Variants in HP1BP3 observed in about 807,000 individuals in gnomAD.
The protein encoded by HP1BP3 is heterochromatin protein 1-binding protein 3.
HP1BP3 carries 12 observed loss-of-function variants against 62.5 expected under a neutral mutation model. The observed-to-expected ratio is 0.19, with a 90% CI of 0.12 to 0.31. The LOEUF (loss-of-function observed/expected upper bound fraction) is 0.31, where lower values mean the gene tolerates loss of function less well. Ranked by LOEUF, HP1BP3 falls within the 10% of genes least tolerant of loss-of-function variation. HP1BP3 has a pLI of 1.00. For missense variants in HP1BP3, 502 were observed against 651.8 expected, an observed-to-expected ratio of 0.77 and a Z score of 2.50; for synonymous variants, 260 against 237.8, an observed-to-expected ratio of 1.09 and a Z score of -0.86.
intron 6 of HP1BP3, among the ~76,000 whole-genome samples, chr1:20,768,174 C>T (rs918425432): frequency 2.6e-5 from 4 of 152,132 alleles, no homozygotes; most frequent in East Asian, 1.9e-4. Context: ...TGGCTGGGCG[C>T]GGTGGCTCAT....
chr1:20,784,189 C>T (rs1454440595), intron 1 of HP1BP3, among the ~76,000 whole-genome samples: 3 of 151,954 alleles, frequency 2.0e-5, no homozygotes, highest in African/African-American at 7.3e-5. Flanking sequence ...AGGCTGGTCA[C>T]AAACTCCTGG....
At chr1:20,764,705 A>C (rs1311445266) in intron 8 of HP1BP3, among the ~76,000 whole-genome samples, 1 of 151,136 alleles carries the variant, frequency 6.6e-6, no homozygotes, top group Non-Finnish European at 1.5e-5. Context: ...AAAAAAAAAA[A>C]AAACCACACA....
intron 3 of HP1BP3, among the ~76,000 whole-genome samples, chr1:20,777,593 G>C (rs1425369978): frequency 3.3e-5 from 5 of 152,014 alleles, no homozygotes; most frequent in Non-Finnish European, 5.9e-5. Context: ...CTAGTAGCTG[G>C]GACTACAGGT....
intron 1 of HP1BP3, among the ~76,000 whole-genome samples, chr1:20,781,888 A>G (rs1270286328): frequency 1.3e-5 from 2 of 152,232 alleles, no homozygotes; most frequent in Non-Finnish European, 2.9e-5. Context: ...AGCCTCCCAA[A>G]GTGCTGGGAT....
At chr1:20,779,694 C>T in intron 3 of HP1BP3, 118 bp downstream of exon 3, 2 of 603,392 alleles carry the variant, frequency 3.3e-6, no homozygotes, top group Non-Finnish European at 2.8e-6. Context: ...AAATGTTTCC[C>T]CAAAACACTT....
At chr1:20,753,299 T>C (rs2055893545) in intron 9 of HP1BP3, among the ~76,000 whole-genome samples, 1 of 152,154 alleles carries the variant, frequency 6.6e-6, no homozygotes, top group South Asian at 2.1e-4. Flanking sequence ...TATTCAGACT[T>C]GGTTATGAGG....
chr1:20,767,652 CT>C lies in HP1BP3; in HGVS notation c.666del (p.Gly223ValfsTer35). ...NRGVIKQVKG[K>X]GASGSFVVVQ... is the part of the protein sequence containing the mutation. ...ACCACAACAAAACTTCCAGAAGCAC[CT>C]TTTCCTTTAACCTAAAGTAAATTAA... On this transcript the variant is annotated frameshift_variant, in exon 7 of 13. Coordinates refer to ENST00000438032, the MANE Select transcript of HP1BP3 (RefSeq NM_001372052.1). LOFTEE classifies it high-confidence loss of function. 1.9e-6 allele frequency: 3 copies of C among 1,605,732 alleles called. No homozygotes were observed. The highest frequency in any genetic ancestry group is 1.1e-5 in the South Asian group (1 of 89,740).
intron 5 of HP1BP3, among the ~76,000 whole-genome samples, chr1:20,772,743 T>C (rs1356190584): frequency 6.6e-6 from 1 of 152,130 alleles, no homozygotes; most frequent in Non-Finnish European, 1.5e-5. Context: ...ACTCCTCTTA[T>C]CATCTGATCA....
chr1:20,752,692 T>A (rs1557641989), intron 9 of HP1BP3, among the ~76,000 whole-genome samples: 1 of 152,198 alleles, frequency 6.6e-6, no homozygotes, highest in Non-Finnish European at 1.5e-5. Flanking sequence ...AATGTGGTTA[T>A]TGTCTTCTTT....
intron 9 of HP1BP3, 36 bp downstream of exon 9, chr1:20,757,130 A>C (rs377591829): frequency 2.1e-5 from 30 of 1,420,402 alleles, no homozygotes; most frequent in Non-Finnish European, 2.8e-5. Context: ...AAACTTTAAG[A>C]AGCACTTCTC....
chr1:20,753,227 C>T (rs544223902), intron 9 of HP1BP3, among the ~76,000 whole-genome samples: 1 of 152,282 alleles, frequency 6.6e-6, no homozygotes, highest in African/African-American at 2.4e-5. Context: ...CAGGCATGAG[C>T]CACCGCGCCT....
intron 8 of HP1BP3, among the ~76,000 whole-genome samples, chr1:20,757,693 A>T (rs2056205821): frequency 6.6e-6 from 1 of 151,948 alleles, no homozygotes; most frequent in South Asian, 2.1e-4. Flanking sequence ...TTAACATTTG[A>T]CTTCTAACGC....
chr1:20,756,019 T>C (rs1369019301), intron 9 of HP1BP3, among the ~76,000 whole-genome samples: 1 of 152,200 alleles, frequency 6.6e-6, no homozygotes, highest in Non-Finnish European at 1.5e-5. Context: ...TGCAAATGGC[T>C]ACAAGGGATC....
chr1:20,755,020 G>A (rs1325429571), intron 9 of HP1BP3, among the ~76,000 whole-genome samples: 1 of 152,072 alleles, frequency 6.6e-6, no homozygotes, highest in Non-Finnish European at 1.5e-5. Flanking sequence ...CAGAATAGGA[G>A]AAAAAATCTG....
In HP1BP3 at chr1:20,744,709, T is replaced by A; in HGVS notation, c.*88A>T. 4 of 1,232,078 alleles carry A rather than the reference T, an allele frequency of 3.2e-6. No individual in the cohort carries two copies. Among genetic ancestry groups the A allele is most frequent in the Non-Finnish European group, 4.5e-6 (4 of 886,708 alleles). The allele number at this position is 1,232,078 out of a possible 1,614,324, so 76.3% of individuals were successfully genotyped here. On this transcript the variant is annotated 3_prime_UTR_variant, in exon 13 of 13. Transcript: ENST00000438032. Reference sequence around the variant, plus strand: ...CATAGGGGAGGAAAATAATGTAATTTGAAAAGCATCAAAACTAAACAAATG... The same window carrying A: ...CATAGGGGAGGAAAATAATGTAATTAGAAAAGCATCAAAACTAAACAAATG...
chr1:20,749,440 C>T (rs1159055964), intron 10 of HP1BP3, among the ~76,000 whole-genome samples: 3 of 151,282 alleles, frequency 2.0e-5, no homozygotes, highest in Non-Finnish European at 4.4e-5. Context: ...CTCACTGCAA[C>T]CTCCACCTCC....
intron 3 of HP1BP3, among the ~76,000 whole-genome samples, chr1:20,778,991 T>C (rs2057424495): frequency 1.3e-5 from 2 of 152,152 alleles, no homozygotes; most frequent in South Asian, 4.1e-4. Context: ...GGTTTCACCA[T>C]GATGGCCAGG....
chr1:20,776,080 CA>C, intron 4 of HP1BP3: 1 of 1,280,830 alleles, frequency 7.8e-7, no homozygotes, highest in East Asian at 2.6e-5. Context: ...ACATCAATAG[CA>C]AATTTTACTT....
chr1:20,750,078 T>C (rs527741821), intron 9 of HP1BP3, 196 bp from the exon 10 acceptor site: 154 of 1,119,542 alleles, frequency 1.4e-4, no homozygotes, highest in Non-Finnish European at 1.7e-4. Context: ...AACCCTCCTA[T>C]GGATATTTTC....
Sources: allele counts gnomAD v4.1 joint callset (sites outside exome capture counted in the v4.1 genomes callset), GRCh38; gene constraint gnomAD v4.1.1; transcripts MANE v1.5; gene names NCBI Gene and HGNC (gene_info 2026-07-23, HGNC 2026-07-21).